Variants in NXPE2 observed in about 807,000 individuals in gnomAD.
The protein encoded by NXPE2 is neurexophilin and PC-esterase domain family member 2, also known as NXPE family member 2.
Under a neutral mutation model 34.4 loss-of-function variants are expected in NXPE2, and 34 were observed. The observed-to-expected ratio is 0.99, with a 90% CI of 0.75 to 1.31. The LOEUF is 1.31. Ranked by LOEUF, NXPE2 falls within the 40% of genes most tolerant of loss-of-function variation. The pLI, the probability that NXPE2 is intolerant of heterozygous loss-of-function variation, is 0.00. For missense variants in NXPE2, 649 were observed against 672.5 expected (o/e 0.97, Z 0.39); for synonymous variants, 235 against 231.3 (o/e 1.02, Z -0.15).
the NXPE2 span, among the ~76,000 whole-genome samples, chr11:114,533,465 C>A: frequency 6.6e-6 from 1 of 152,180 alleles, no homozygotes; most frequent in East Asian, 1.9e-4. Context: ...GCACACCGTG[C>A]ATGAGCTGAA....
the NXPE2 span, among the ~76,000 whole-genome samples, chr11:114,639,208 G>A: frequency 4.6e-5 from 7 of 151,876 alleles, 1 homozygote; most frequent in African/African-American, 1.5e-4. Context: ...CCGCCTTTCA[G>A]TTTGATCTCA....
the NXPE2 span, among the ~76,000 whole-genome samples, chr11:114,624,028 G>A: frequency 4.5e-4 from 69 of 152,098 alleles, no homozygotes; most frequent in Middle Eastern, 3.4e-3. Context: ...TTGCTTCATG[G>A]GTAACCACTG....
chr11:114,691,808 G>A (rs1340141187), intron 2 of NXPE2, among the ~76,000 whole-genome samples: 1 of 151,588 alleles, frequency 6.6e-6, no homozygotes, highest in East Asian at 1.9e-4. Context: ...AGATAGTGCT[G>A]AGGGTTAGAT....
the NXPE2 span, among the ~76,000 whole-genome samples, chr11:114,570,104 C>T: frequency 3.3e-5 from 5 of 152,160 alleles, no homozygotes; most frequent in Non-Finnish European, 7.4e-5. Context: ...ACATGGTTCC[C>T]GCCTTAAGAT....
At chr11:114,749,801 G>T in the NXPE2 span, among the ~76,000 whole-genome samples, 1 of 152,018 alleles carries the variant, frequency 6.6e-6, no homozygotes, top group Non-Finnish European at 1.5e-5. Flanking sequence ...CTCTTCTCAG[G>T]CTTTGAAACT....
the NXPE2 span, among the ~76,000 whole-genome samples, chr11:114,491,061 C>T: frequency 6.8e-6 from 1 of 146,850 alleles, no homozygotes; most frequent in Non-Finnish European, 1.5e-5. Context: ...ACTTGGGAGG[C>T]TGAGACAGGA....
chr11:114,719,959 C>A, the NXPE2 span, among the ~76,000 whole-genome samples: 13 of 152,344 alleles, frequency 8.5e-5, no homozygotes, highest in Middle Eastern at 3.4e-3. Context: ...GGACATATAT[C>A]CTTCAGTCTG....
the NXPE2 span, among the ~76,000 whole-genome samples, chr11:114,800,919 CACA>C: frequency 6.6e-6 from 1 of 152,174 alleles, no homozygotes; most frequent in African/African-American, 2.4e-5. Context: ...CAGCATTCAA[CACA>C]ACTTTATAAT....
At chr11:114,661,961 C>T in the NXPE2 span, among the ~76,000 whole-genome samples, 1 of 152,092 alleles carries the variant, frequency 6.6e-6, no homozygotes, top group African/African-American at 2.4e-5. Flanking sequence ...GGTAAAAGGA[C>T]CTGTAGGAGG....
chr11:114,690,590 T>C (rs574053622), intron 2 of NXPE2, among the ~76,000 whole-genome samples: 98 of 152,252 alleles, frequency 6.4e-4, no homozygotes, highest in Non-Finnish European at 2.4e-4. Context: ...TGGGTTGCCT[T>C]GTATAGTATC....
the NXPE2 span, among the ~76,000 whole-genome samples, chr11:114,610,657 G>A: frequency 3.8e-4 from 57 of 151,260 alleles, no homozygotes; most frequent in East Asian, 4.4e-3. Flanking sequence ...ACTGTTAACC[G>A]GTGGATAATA....
chr11:114,517,984 G>T, the NXPE2 span: 1 of 152,494 alleles, frequency 6.6e-6, no homozygotes, highest in South Asian at 2.1e-4. Flanking sequence ...CTGGGAACAG[G>T]TTCACAAGGT....
chr11:114,645,348 C>T, the NXPE2 span, among the ~76,000 whole-genome samples: 11 of 151,968 alleles, frequency 7.2e-5, no homozygotes, highest in African/African-American at 2.7e-4. Flanking sequence ...AAAAGATTCC[C>T]TATACCACAT....
chr11:114,521,944 G>C, the NXPE2 span: 2 of 1,534,668 alleles, frequency 1.3e-6, no homozygotes, highest in South Asian at 2.4e-5. Flanking sequence ...TTGGTTCCTA[G>C]TGATTTTGTA....
the NXPE2 span, among the ~76,000 whole-genome samples, chr11:114,612,314 A>T: frequency 6.6e-6 from 1 of 151,786 alleles, no homozygotes; most frequent in Non-Finnish European, 1.5e-5. Context: ...CTCGCAGGTA[A>T]CCACTGTTAC....
downstream of NXPE2, among the ~76,000 whole-genome samples, chr11:114,710,538 A>G (rs533610540): frequency 2.0e-5 from 3 of 152,290 alleles, no homozygotes; most frequent in South Asian, 2.1e-4. Flanking sequence ...CGAAGACTGA[A>G]TCATAAAGAA....
chr11:114,644,204 G>A, the NXPE2 span, among the ~76,000 whole-genome samples: 1 of 152,144 alleles, frequency 6.6e-6, no homozygotes, highest in Non-Finnish European at 1.5e-5. Context: ...TCTGCAAACA[G>A]AGACAATATG....
At chr11:114,528,756 T>A in the NXPE2 span, 1 of 619,726 alleles carries the variant, frequency 1.6e-6, no homozygotes, top group African/African-American at 1.8e-5. Flanking sequence ...AAGGGGAGAA[T>A]GAGGACCCAG....
chr11:114,792,294 C>G, the NXPE2 span, among the ~76,000 whole-genome samples: 1 of 152,124 alleles, frequency 6.6e-6, no homozygotes, highest in Admixed American at 6.5e-5. Context: ...TTGCTGATGA[C>G]TCCATCAGAG....
Sources: gnomAD v4.1 joint callset for allele counts (sites outside exome capture counted in the v4.1 genomes callset) on GRCh38, gnomAD v4.1.1 for gene constraint, MANE v1.5 for transcripts, NCBI Gene and HGNC (gene_info 2026-07-23, HGNC 2026-07-21) for gene names.